CCDC178: variants seen among roughly 807,000 people sequenced by gnomAD.
CCDC178 encodes the protein coiled-coil domain-containing protein 178.
Under a neutral mutation model 117.4 loss-of-function variants are expected in CCDC178, and 126 were observed. That is an observed-to-expected ratio of 1.07 (90% CI 0.93 to 1.24). CCDC178 has a LOEUF of 1.24. Ranked by LOEUF, CCDC178 falls within the 50% of genes most tolerant of loss-of-function variation. The pLI is 0.00. For synonymous variants in CCDC178, 283 were observed against 313.4 expected (o/e 0.90, Z 1.02); for missense variants, 1,030 against 986.9 (o/e 1.04, Z -0.59).
intron 20 of CCDC178, among the ~76,000 whole-genome samples, chr18:33,094,666 T>C (rs1339995775): frequency 2.0e-5 from 3 of 151,988 alleles, no homozygotes; most frequent in Admixed American, 6.6e-5. Flanking sequence ...TTATAATATA[T>C]ACTTTGCTCA....
chr18:33,346,385 C>G lies in CCDC178; in HGVS notation c.484G>C (p.Glu162Gln). 1 of 1,612,578 alleles carries G rather than the reference C, an allele frequency of 6.2e-7. No individual in the cohort carries two copies. The highest frequency in any genetic ancestry group is 1.1e-5 in the South Asian group (1 of 91,026). ...RDEKCPELKQ[E>Q]METLLSEAIR... ...GCCTCTGAGAGCAATGTTTCCATTT[C>G]CTGCTTTAACTCTGGACACTTTTCA... The change falls in exon 9 of 23, where the codon GAA becomes CAA. Residue 162 changes from glutamate (E) to glutamine (Q), a missense_variant. Transcript: ENST00000383096.
chr18:32,983,223 A>G (rs2055188730), intron 21 of CCDC178: 5 of 957,748 alleles, frequency 5.2e-6, no homozygotes, highest in Non-Finnish European at 8.0e-6. Flanking sequence ...CACTTGTTAG[A>G]GGTTACAGTA....
At chr18:33,027,257 T>G (rs1159951642) in intron 21 of CCDC178, among the ~76,000 whole-genome samples, 1 of 151,618 alleles carries the variant, frequency 6.6e-6, no homozygotes, top group Non-Finnish European at 1.5e-5. Flanking sequence ...AAGTTGTTAG[T>G]GAGGAGAGTG....
intron 3 of CCDC178, among the ~76,000 whole-genome samples, chr18:33,402,631 C>T (rs1174134002): frequency 2.0e-5 from 3 of 152,210 alleles, no homozygotes; most frequent in Non-Finnish European, 4.4e-5. Flanking sequence ...TCCAACTCTT[C>T]TAGAGATATC....
intron 22 of CCDC178, among the ~76,000 whole-genome samples, chr18:32,970,539 A>C (rs933810403): frequency 6.6e-6 from 1 of 151,994 alleles, no homozygotes; most frequent in Non-Finnish European, 1.5e-5. Context: ...GGAAAATGAA[A>C]ACCAATAGCA....
At chr18:33,356,515 C>T (rs920139726) in intron 6 of CCDC178, among the ~76,000 whole-genome samples, 169 bp from the exon 7 acceptor site, 1 of 151,806 alleles carries the variant, frequency 6.6e-6, no homozygotes, top group Non-Finnish European at 1.5e-5. Flanking sequence ...CTAAGCCCCC[C>T]CAACTGACTG....
At chr18:33,284,306 C>T (rs1311874517) in intron 12 of CCDC178, among the ~76,000 whole-genome samples, 3 of 151,918 alleles carry the variant, frequency 2.0e-5, no homozygotes, top group Admixed American at 6.6e-5. Context: ...CTAATGGGTA[C>T]CTGGGTGACA....
At chr18:32,964,483 G>T (rs946601175) in intron 22 of CCDC178, among the ~76,000 whole-genome samples, 1 of 151,946 alleles carries the variant, frequency 6.6e-6, no homozygotes, top group Non-Finnish European at 1.5e-5. Context: ...AAGTATGAAT[G>T]TTTCCACGAT....
intron 6 of CCDC178, among the ~76,000 whole-genome samples, chr18:33,359,722 T>A (rs919344533): frequency 6.6e-6 from 1 of 151,594 alleles, no homozygotes; most frequent in African/African-American, 2.4e-5. Context: ...CAAGACTCCA[T>A]ACAATTCTCA....
intron 5 of CCDC178, among the ~76,000 whole-genome samples, chr18:33,376,648 T>C (rs528509344): frequency 6.6e-6 from 1 of 152,304 alleles, no homozygotes; most frequent in African/African-American, 2.4e-5. Flanking sequence ...ATGCCATCTT[T>C]ATGTCCATGA....
intron 12 of CCDC178, among the ~76,000 whole-genome samples, chr18:33,279,884 A>C (rs1386619922): frequency 8.5e-5 from 13 of 152,188 alleles, no homozygotes; most frequent in Non-Finnish European, 2.9e-5. Flanking sequence ...GGTACTGGGA[A>C]AACTGGCTAG....
chr18:33,019,901 C>A (rs2056074605), intron 21 of CCDC178, among the ~76,000 whole-genome samples: 1 of 144,442 alleles, frequency 6.9e-6, no homozygotes, highest in African/African-American at 2.5e-5. Context: ...TTTCATGATC[C>A]TCTTAACTGA....
chr18:33,125,714 C>G (rs1472923829), intron 20 of CCDC178, among the ~76,000 whole-genome samples: 1 of 152,138 alleles, frequency 6.6e-6, no homozygotes, highest in Non-Finnish European at 1.5e-5. Context: ...CAACAGGAAC[C>G]TGAAAAGGAA....
At chr18:33,306,349 T>C (rs2062247458) in intron 11 of CCDC178, among the ~76,000 whole-genome samples, 2 of 151,472 alleles carry the variant, frequency 1.3e-5, no homozygotes, top group East Asian at 3.9e-4. Flanking sequence ...CTATCTTTTA[T>C]AAAATGGTGA....
At chr18:33,050,021 C>T (rs185673421) in intron 21 of CCDC178, among the ~76,000 whole-genome samples, 14 of 152,134 alleles carry the variant, frequency 9.2e-5, no homozygotes, top group African/African-American at 3.1e-4. Context: ...GCGGAGTTTG[C>T]CGTGATCTGA....
At chr18:33,245,881 G>A (rs1022805600) in intron 14 of CCDC178, among the ~76,000 whole-genome samples, 2 of 151,804 alleles carry the variant, frequency 1.3e-5, no homozygotes, top group Non-Finnish European at 2.9e-5. Flanking sequence ...TTTTGTAGGT[G>A]GGATGTCCTG....
At chr18:32,980,111 T>G (rs2055117685) in intron 21 of CCDC178, among the ~76,000 whole-genome samples, 1 of 152,082 alleles carries the variant, frequency 6.6e-6, no homozygotes, top group African/African-American at 2.4e-5. Flanking sequence ...ACTTTATGGC[T>G]TTGAGGAAAG....
chr18:33,004,078 T>C (rs554442265), intron 21 of CCDC178, among the ~76,000 whole-genome samples: 3 of 152,166 alleles, frequency 2.0e-5, no homozygotes, highest in South Asian at 2.1e-4. Context: ...AGAATCAATA[T>C]AACTAAAATG....
Position 33,226,823 on chromosome 18 carries a change from T to C in CCDC178, c.1626A>G (p.Gln542=), listed in dbSNP as rs954806929. 1.0e-5 allele frequency: 16 copies of C among 1,601,794 alleles called. No individual in the cohort carries two copies. Among genetic ancestry groups the C allele is most frequent in the African/African-American group, 5.4e-5 (4 of 74,402 alleles). The change falls in exon 16 of 23, where the codon CAA becomes CAG. Residue 542 remains glutamine (Q), a synonymous_variant. Coordinates refer to ENST00000383096, the MANE Select transcript of CCDC178 (RefSeq NM_001105528.4). ...GCACCATTCCAGCAGCCACTTCACC[T>C]TGAGTGAGTTTTTTCAGGAATTCTT... is the stretch of plus-strand genomic sequence containing the variant. The part of the protein sequence containing the change: ...GREEFLKKLT[Q]GEVAAGMVLQ...
Sources: gnomAD v4.1 joint callset for allele counts (sites outside exome capture counted in the v4.1 genomes callset) on GRCh38, gnomAD v4.1.1 for gene constraint, MANE v1.5 for transcripts, NCBI Gene and HGNC (gene_info 2026-07-23, HGNC 2026-07-21) for gene names.